Variants in WDR44 observed in about 807,000 individuals in gnomAD.
WDR44 encodes the protein WD repeat domain 44.
In WDR44, 9 loss-of-function variants were observed where a neutral mutation model predicts 65.7. The observed-to-expected ratio is 0.14, with a 90% CI of 0.08 to 0.24. The LOEUF (loss-of-function observed/expected upper bound fraction) is 0.24, where lower values mean the gene tolerates loss of function less well. Among genes scored for constraint, WDR44 ranks in the 10% least tolerant of loss-of-function variants. The pLI is 1.00. For synonymous variants in WDR44, 220 were observed against 235.2 expected, an observed-to-expected ratio of 0.94 and a Z score of 0.59; for missense variants, 425 against 670.9, an observed-to-expected ratio of 0.63 and a Z score of 4.05.
intron 1 of WDR44, among the ~76,000 whole-genome samples, chrX:118,366,730 T>G (rs1377119274): frequency 1.8e-5 from 2 of 111,327 alleles, no homozygotes; most frequent in Non-Finnish European, 3.8e-5. Context: ...AATTTTATAG[T>G]AGTGTTGTGG....
intron 1 of WDR44, among the ~76,000 whole-genome samples, chrX:118,359,898 A>G (rs1211190102): frequency 1.8e-5 from 2 of 112,354 alleles, no homozygotes; most frequent in Non-Finnish European, 3.8e-5. Context: ...GAATGTTGTT[A>G]ATAAACCAGT....
At chrX:118,387,293 G>C in intron 2 of WDR44, 47 bp from the exon 3 acceptor site, 1 of 912,472 alleles carries the variant, frequency 1.1e-6, no homozygotes, top group Non-Finnish European at 1.5e-6. Context: ...TATTTTTAAA[G>C]AAAAGATGTC....
rs1225046897 is a variant in WDR44, at chrX:118,449,631, T to G, written c.*644T>G. ...CTTTGCCACACTGGAGCACAATGTTTCTATGTAAAGAATTATTTTCATTCT... is the reference window on the plus strand; with the variant it reads ...CTTTGCCACACTGGAGCACAATGTTGCTATGTAAAGAATTATTTTCATTCT... On this transcript the variant is annotated 3_prime_UTR_variant, in exon 20 of 20. Coordinates refer to ENST00000254029, the MANE Select transcript of WDR44 (RefSeq NM_019045.5). 9.0e-6 allele frequency: 1 copy of G among 111,154 alleles called. No individual in the cohort carries two copies. Among genetic ancestry groups the G allele is most frequent in the African/African-American group, 3.3e-5 (1 of 30,579 alleles). The allele number at this position is 111,154 out of a possible 1,213,427, so 9.2% of individuals were successfully genotyped here.
intron 1 of WDR44, among the ~76,000 whole-genome samples, chrX:118,370,471 A>G (rs1163972806): frequency 9.0e-6 from 1 of 110,736 alleles, no homozygotes; most frequent in Non-Finnish European, 1.9e-5. Context: ...CTGTCTTGCT[A>G]TGTGATGCAT....
chrX:118,391,320 G>A (rs2056818387), intron 3 of WDR44, among the ~76,000 whole-genome samples: 1 of 111,882 alleles, frequency 8.9e-6, no homozygotes, highest in South Asian at 3.8e-4. Context: ...CCACCTAATT[G>A]ACAAATTGGT....
intron 12 of WDR44, among the ~76,000 whole-genome samples, chrX:118,419,721 T>G (rs1182085345): frequency 8.9e-6 from 1 of 112,218 alleles, no homozygotes. Flanking sequence ...GGCATCCCAT[T>G]ATGTTTAAAA....
chrX:118,431,515 C>T (rs1445283007), intron 12 of WDR44, among the ~76,000 whole-genome samples: 1 of 111,227 alleles, frequency 9.0e-6, no homozygotes, highest in Admixed American at 9.7e-5. Flanking sequence ...GTTGGTCAGG[C>T]TGATCTTGAA....
chrX:118,442,414 G>A, intron 16 of WDR44, 69 bp downstream of exon 16: 3 of 993,190 alleles, frequency 3.0e-6, no homozygotes, highest in Non-Finnish European at 4.2e-6. Context: ...TAATATCTTG[G>A]CAAAAAAATG....
chrX:118,407,103 C>T (rs1489405244), intron 10 of WDR44, 77 bp downstream of exon 10: 17 of 1,016,235 alleles, frequency 1.7e-5, no homozygotes, highest in Non-Finnish European at 2.1e-5. Flanking sequence ...AAAACTATCT[C>T]TTTCTATGTA....
intron 2 of WDR44, among the ~76,000 whole-genome samples, chrX:118,382,600 A>G (rs192490455): frequency 8.9e-6 from 1 of 112,193 alleles, no homozygotes; most frequent in African/African-American, 3.2e-5. Context: ...GTTCTTTAGT[A>G]GGTAATAATG....
chrX:118,436,516 T>C, intron 13 of WDR44, 186 bp from the exon 14 acceptor site: 1 of 550,999 alleles, frequency 1.8e-6, no homozygotes, highest in Non-Finnish European at 3.2e-6. Flanking sequence ...CAGTGAAATA[T>C]GGTACTTAAC....
intron 3 of WDR44, among the ~76,000 whole-genome samples, chrX:118,392,182 C>T (rs768887201): frequency 3.6e-5 from 4 of 111,577 alleles, no homozygotes; most frequent in Non-Finnish European, 5.6e-5. Flanking sequence ...TTTGGATTAT[C>T]GTGGTTTGGT....
At chrX:118,378,693 ATC>A (rs1378030627) in intron 2 of WDR44, among the ~76,000 whole-genome samples, 4 of 93,638 alleles carry the variant, frequency 4.3e-5, no homozygotes, top group Non-Finnish European at 7.8e-5. Context: ...TGTTTATAAT[ATC>A]TAGAATAAAA....
intron 1 of WDR44, among the ~76,000 whole-genome samples, chrX:118,377,642 A>G (rs1357358955): frequency 9.1e-6 from 1 of 110,237 alleles, no homozygotes; most frequent in Non-Finnish European, 1.9e-5. Context: ...ATACAACTAT[A>G]TATGTACATA....
chrX:118,421,567 CT>C (rs2057105246), intron 12 of WDR44, among the ~76,000 whole-genome samples: 1 of 111,684 alleles, frequency 9.0e-6, no homozygotes, highest in African/African-American at 3.3e-5. Context: ...TGTGTGTATT[CT>C]TTTTTTCTTA....
chrX:118,446,867 TATGAATGA>T (rs767020047), intron 19 of WDR44, among the ~76,000 whole-genome samples: 2 of 109,371 alleles, frequency 1.8e-5, no homozygotes, highest in Admixed American at 9.9e-5. Flanking sequence ...TTTTTTAACT[TATGAATGA>T]ATGAATGAAT....
chrX:118,394,649 C>T (rs6603402), intron 5 of WDR44, among the ~76,000 whole-genome samples: 46,862 of 108,426 alleles, frequency 0.43, 10,805 homozygotes, highest in African/African-American at 0.86. Flanking sequence ...CTTGATAACA[C>T]TAATTTTACC....
At chrX:118,429,162 A>G (rs1219688073) in intron 12 of WDR44, among the ~76,000 whole-genome samples, 1 of 111,362 alleles carries the variant, frequency 9.0e-6, no homozygotes, top group Non-Finnish European at 1.9e-5. Context: ...ACGTTTATGT[A>G]AGAAACCTGC....
chrX:118,393,953 C>T (rs2056843361), intron 4 of WDR44, 102 bp from the exon 5 acceptor site: 4 of 718,075 alleles, frequency 5.6e-6, no homozygotes, highest in Non-Finnish European at 8.3e-6. Flanking sequence ...CATGGTTTCC[C>T]TGTATAGGAA....
Sources: gnomAD v4.1 joint callset for allele counts (sites outside exome capture counted in the v4.1 genomes callset) on GRCh38, gnomAD v4.1.1 for gene constraint, MANE v1.5 for transcripts, NCBI Gene and HGNC (gene_info 2026-07-23, HGNC 2026-07-21) for gene names.